Variants in IPCEF1 observed in about 807,000 individuals in gnomAD.
The protein encoded by IPCEF1 is interaction protein for cytohesin exchange factors 1, also known as interactor protein for cytohesin exchange factors 1.
Under a neutral mutation model 50.9 loss-of-function variants are expected in IPCEF1, and 31 were observed. The observed-to-expected ratio is 0.61, with a 90% CI of 0.46 to 0.82. IPCEF1 has a LOEUF of 0.82. Among genes scored for constraint, IPCEF1 ranks in the 40% least tolerant of loss-of-function variants. The probability of loss-of-function intolerance (pLI) is 0.00; values close to 1 mark genes in which losing one functional copy is unlikely to be tolerated. For synonymous variants in IPCEF1, 181 were observed against 192.0 expected (o/e 0.94, Z 0.47); for missense variants, 458 against 514.0 (o/e 0.89, Z 1.05).
intron 1 of IPCEF1, among the ~76,000 whole-genome samples, chr6:154,316,539 A>C (rs1783223709): frequency 6.6e-6 from 1 of 152,184 alleles, no homozygotes; most frequent in African/African-American, 2.4e-5. Flanking sequence ...AATACTGCAT[A>C]CTCTCACTTA....
chr6:154,325,348 T>C (rs1487617696), intron 1 of IPCEF1, among the ~76,000 whole-genome samples: 1 of 152,214 alleles, frequency 6.6e-6, no homozygotes. Flanking sequence ...TACTTAAATA[T>C]GCATAGGACA....
chr6:154,269,892 G>C (rs1024759357), intron 2 of IPCEF1, among the ~76,000 whole-genome samples: 2 of 152,188 alleles, frequency 1.3e-5, no homozygotes, highest in African/African-American at 4.8e-5. Context: ...GAAACACATG[G>C]TGTCCATATG....
intron 6 of IPCEF1, chr6:154,222,845 T>G (rs1173162491): frequency 3.0e-6 from 1 of 328,102 alleles, no homozygotes; most frequent in African/African-American, 2.1e-5. Context: ...TGCTTGTTTT[T>G]TCTTTAGTAG....
chr6:154,319,811 C>T (rs1283411095), intron 1 of IPCEF1, among the ~76,000 whole-genome samples: 2 of 152,220 alleles, frequency 1.3e-5, no homozygotes, highest in Non-Finnish European at 2.9e-5. Context: ...CTGTTCCACG[C>T]TCCCAATACA....
intron 3 of IPCEF1, among the ~76,000 whole-genome samples, chr6:154,260,724 G>A (rs1461240389): frequency 6.6e-6 from 1 of 152,086 alleles, no homozygotes; most frequent in East Asian, 1.9e-4. Context: ...ACCTGTCTCG[G>A]CCTCCCAAAG....
intron 3 of IPCEF1, among the ~76,000 whole-genome samples, chr6:154,263,600 T>C (rs1781663182): frequency 1.2e-5 from 1 of 86,478 alleles, no homozygotes; most frequent in East Asian, 2.7e-4. Flanking sequence ...GGCAGAAGAA[T>C]TTTTCTTAGT....
At chr6:154,194,268 G>A (rs747272259) in intron 10 of IPCEF1, among the ~76,000 whole-genome samples, 6 of 152,004 alleles carry the variant, frequency 3.9e-5, no homozygotes, top group Non-Finnish European at 7.4e-5. Context: ...GCGTGGTGGC[G>A]CATGCCTGTA....
chr6:154,246,012 G>A (rs574200562), intron 5 of IPCEF1, among the ~76,000 whole-genome samples: 2 of 152,220 alleles, frequency 1.3e-5, no homozygotes, highest in Admixed American at 6.5e-5. Context: ...CTAGTTTAAT[G>A]CCATCACAGA....
intron 2 of IPCEF1, among the ~76,000 whole-genome samples, chr6:154,266,614 A>G (rs1781763497): frequency 6.7e-6 from 1 of 149,640 alleles, no homozygotes; most frequent in South Asian, 2.1e-4. Context: ...ACATTTTGAG[A>G]AGTGGAAATG....
chr6:154,352,726 C>T (rs192788594), intron 1 of IPCEF1, among the ~76,000 whole-genome samples: 1 of 152,282 alleles, frequency 6.6e-6, no homozygotes, highest in East Asian at 1.9e-4. Flanking sequence ...CCATGGTGAC[C>T]TGCTGGCCCT....
intron 1 of IPCEF1, among the ~76,000 whole-genome samples, chr6:154,355,702 T>A (rs1784205394): frequency 6.6e-6 from 1 of 152,138 alleles, no homozygotes; most frequent in Admixed American, 6.5e-5. Context: ...TTGGCCAGGC[T>A]GGTCTCGAAC....
At chr6:154,260,416 TA>T (rs1240672572) in intron 3 of IPCEF1, among the ~76,000 whole-genome samples, 1 of 152,134 alleles carries the variant, frequency 6.6e-6, no homozygotes, top group African/African-American at 2.4e-5. Context: ...ATCCTTAAAT[TA>T]AGGCTGTTTT....
intron 7 of IPCEF1, among the ~76,000 whole-genome samples, chr6:154,217,939 A>G (rs770059586): frequency 6.6e-6 from 1 of 152,190 alleles, no homozygotes; most frequent in Non-Finnish European, 1.5e-5. Flanking sequence ...AATAAAGAAA[A>G]TATTTCTCTC....
chr6:154,172,574 G>C (rs1799962461), intron 10 of IPCEF1, among the ~76,000 whole-genome samples: 1 of 152,230 alleles, frequency 6.6e-6, no homozygotes, highest in South Asian at 2.1e-4. Flanking sequence ...GGATGCTGGA[G>C]CTTGGCAAGG....
chr6:154,249,066 C>T (rs562750274), intron 3 of IPCEF1, among the ~76,000 whole-genome samples: 71 of 152,100 alleles, frequency 4.7e-4, no homozygotes, highest in African/African-American at 1.6e-3. Context: ...AAATTTATCC[C>T]CCCCAAAATT....
intron 2 of IPCEF1, among the ~76,000 whole-genome samples, chr6:154,266,420 T>C (rs1453327473): frequency 6.6e-6 from 1 of 151,840 alleles, no homozygotes; most frequent in Non-Finnish European, 1.5e-5. Flanking sequence ...AATAAATAAA[T>C]AGCTTTTTAT....
rs1171295120 is a variant in IPCEF1 at position 154,158,337 on chromosome 6, A to G, written c.*1491T>C. ...GTGAGAAATATTCATGGTGATTAGT[A>G]AGGGAAGACTTTCATATTGTTTCTC... On this transcript the variant is annotated 3_prime_UTR_variant, in exon 12 of 12. Coordinates refer to ENST00000367220, the MANE Select transcript of IPCEF1 (RefSeq NM_001130700.2). 6.6e-6 allele frequency: 1 copy of G among 152,238 alleles called. No individual in the cohort carries two copies. Among genetic ancestry groups the G allele is most frequent in the African/African-American group, 2.4e-5 (1 of 41,462 alleles). The allele number at this position is 152,238 out of a possible 1,614,324, so 9.4% of individuals were successfully genotyped here. A position where few individuals can be genotyped will look rare whatever the true frequency, so the allele number is the denominator to read the frequency against.
intron 1 of IPCEF1, among the ~76,000 whole-genome samples, chr6:154,292,937 A>T (rs1342355714): frequency 1.3e-5 from 2 of 152,200 alleles, no homozygotes; most frequent in Non-Finnish European, 2.9e-5. Flanking sequence ...TCTCCCCAGA[A>T]CAAGATCTTA....
At chr6:154,247,960 C>T (rs915128812) in intron 3 of IPCEF1, among the ~76,000 whole-genome samples, 27 of 152,144 alleles carry the variant, frequency 1.8e-4, no homozygotes, top group African/African-American at 6.3e-4. Flanking sequence ...AGCTCATAGT[C>T]CTGCTACCAC....
Sources: gnomAD v4.1 joint callset for allele counts (sites outside exome capture counted in the v4.1 genomes callset) on GRCh38, gnomAD v4.1.1 for gene constraint, MANE v1.5 for transcripts, NCBI Gene and HGNC (gene_info 2026-07-23, HGNC 2026-07-21) for gene names.